Variants in RAB28 observed in about 807,000 individuals in gnomAD.
RAB28 encodes ras-related protein Rab-28.
Under a neutral mutation model 31.7 loss-of-function variants are expected in RAB28, and 24 were observed. That is an observed-to-expected ratio of 0.76 (90% CI 0.55 to 1.06). RAB28 has a LOEUF of 1.06. Among genes scored for constraint, RAB28 ranks in the 50% least tolerant of loss-of-function variants. The pLI is 0.00. For synonymous variants in RAB28, 100 were observed against 90.4 expected (o/e 1.11, Z -0.60); for missense variants, 254 against 258.5 (o/e 0.98, Z 0.12).
intron 4 of RAB28, among the ~76,000 whole-genome samples, chr4:13,384,936 T>C (rs1231979132): frequency 6.6e-6 from 1 of 152,168 alleles, no homozygotes; most frequent in Non-Finnish European, 1.5e-5. Context: ...CAGGAGTATG[T>C]TGAAACCCAA....
At chr4:13,404,653 G>C (rs1424119560) in intron 4 of RAB28, among the ~76,000 whole-genome samples, 4 of 152,042 alleles carry the variant, frequency 2.6e-5, no homozygotes, top group Admixed American at 6.6e-5. Context: ...CCATTGCAAA[G>C]AATTCAGTTC....
At chr4:13,453,622 T>C (rs1184189530) in intron 4 of RAB28, among the ~76,000 whole-genome samples, 1 of 146,602 alleles carries the variant, frequency 6.8e-6, no homozygotes, top group Non-Finnish European at 1.5e-5. Context: ...GGCTGACGGG[T>C]TTTTTTTTTC....
chr4:13,442,594 T>C (rs1276441348), intron 4 of RAB28, among the ~76,000 whole-genome samples: 1 of 151,948 alleles, frequency 6.6e-6, no homozygotes, highest in Non-Finnish European at 1.5e-5. Flanking sequence ...TTTCATAATA[T>C]TTGTCAAGTT....
At chr4:13,405,355 T>G (rs1712016222) in intron 4 of RAB28, among the ~76,000 whole-genome samples, 1 of 152,050 alleles carries the variant, frequency 6.6e-6, no homozygotes, top group Non-Finnish European at 1.5e-5. Context: ...AACATACGAG[T>G]TGATACTGAA....
At chr4:13,399,579 A>G (rs1711629470) in intron 4 of RAB28, among the ~76,000 whole-genome samples, 1 of 152,222 alleles carries the variant, frequency 6.6e-6, no homozygotes, top group African/African-American at 2.4e-5. Flanking sequence ...CTGTAGATTG[A>G]CATTATCTGT....
chr4:13,482,445 C>T (rs1229446909), intron 1 of RAB28, among the ~76,000 whole-genome samples: 2 of 152,000 alleles, frequency 1.3e-5, no homozygotes, highest in Non-Finnish European at 2.9e-5. Flanking sequence ...TATGAGTTGT[C>T]ATTATCATTT....
intron 3 of RAB28, among the ~76,000 whole-genome samples, chr4:13,473,086 C>T (rs1330247364): frequency 6.6e-6 from 1 of 151,890 alleles, no homozygotes; most frequent in Admixed American, 6.6e-5. Context: ...CCATATTAGC[C>T]TCTATAGCCA....
chr4:13,451,460 T>C (rs1164444673), intron 4 of RAB28, among the ~76,000 whole-genome samples: 3 of 151,160 alleles, frequency 2.0e-5, no homozygotes, highest in African/African-American at 7.3e-5. Context: ...TCTGCATCCC[T>C]TCTATAATTT....
intron 4 of RAB28, among the ~76,000 whole-genome samples, chr4:13,409,376 C>T (rs918290871): frequency 2.0e-5 from 3 of 152,098 alleles, no homozygotes; most frequent in Non-Finnish European, 2.9e-5. Flanking sequence ...TATAGCATAA[C>T]GTAAAAATAT....
At chr4:13,426,774 AATCAAAAC>A (rs1245648810) in intron 4 of RAB28, among the ~76,000 whole-genome samples, 1 of 152,194 alleles carries the variant, frequency 6.6e-6, no homozygotes, top group Admixed American at 6.5e-5. Flanking sequence ...CAACAGGGTT[AATCAAAAC>A]ATTTGGCTGA....
At chr4:13,382,613 TTCTC>T (rs756581399) in intron 4 of RAB28, among the ~76,000 whole-genome samples, 17 of 152,106 alleles carry the variant, frequency 1.1e-4, no homozygotes, top group Non-Finnish European at 1.8e-4. Context: ...GGCTCAAGGG[TTCTC>T]TCTCTAGGAG....
intron 4 of RAB28, among the ~76,000 whole-genome samples, chr4:13,420,869 C>A (rs912805523): frequency 2.6e-5 from 4 of 152,198 alleles, no homozygotes; most frequent in Non-Finnish European, 5.9e-5. Context: ...CCTTTCTCAC[C>A]AGTCCTATTC....
chr4:13,368,399 G>T lies in RAB28; in HGVS notation c.*159C>A. 7.9e-7 allele frequency: 1 copy of T among 1,261,560 alleles called. No individual in the cohort carries two copies. Among genetic ancestry groups the T allele is most frequent in the Non-Finnish European group, 1.0e-6 (1 of 1,002,536 alleles). The allele number at this position is 1,261,560 out of a possible 1,614,324, so 78.1% of individuals were successfully genotyped here. The stretch of plus-strand genomic sequence containing the variant: ...TGAATTCTTTCAAATCCAAGGAGCT[G>T]CCTGCCACTGTGAGGCAATAGCAAT... On this transcript the variant is annotated 3_prime_UTR_variant, in exon 7 of 7. Transcript: ENST00000330852.
intron 2 of RAB28, among the ~76,000 whole-genome samples, chr4:13,477,384 G>A (rs1397468123): frequency 6.6e-6 from 1 of 151,470 alleles, no homozygotes; most frequent in Non-Finnish European, 1.5e-5. Flanking sequence ...ACAAATATTA[G>A]ATTCACCGAC....
intron 4 of RAB28, among the ~76,000 whole-genome samples, chr4:13,412,082 C>T (rs1712470496): frequency 6.6e-6 from 1 of 151,406 alleles, no homozygotes; most frequent in South Asian, 2.1e-4. Flanking sequence ...CATCTACAGC[C>T]CCTACACCAC....
chr4:13,433,373 G>A (rs572605334), intron 4 of RAB28, among the ~76,000 whole-genome samples: 2 of 152,150 alleles, frequency 1.3e-5, no homozygotes, highest in African/African-American at 4.8e-5. Context: ...CAGACAATCT[G>A]CAAAATGGCA....
intron 4 of RAB28, among the ~76,000 whole-genome samples, chr4:13,408,560 T>G (rs1043934107): frequency 1.3e-5 from 2 of 152,180 alleles, no homozygotes; most frequent in African/African-American, 4.8e-5. Context: ...GCACTTTTTC[T>G]ATTGCTTGGA....
At chr4:13,417,057 T>C (rs1337876249) in intron 4 of RAB28, among the ~76,000 whole-genome samples, 1 of 152,224 alleles carries the variant, frequency 6.6e-6, no homozygotes, top group African/African-American at 2.4e-5. Context: ...TCCAATGGTC[T>C]TAGCAAACGG....
chr4:13,377,120 T>C (rs11730462), intron 5 of RAB28, among the ~76,000 whole-genome samples: 3,085 of 151,954 alleles, frequency 0.02, 37 homozygotes, highest in African/African-American at 0.033. Flanking sequence ...TCCATGTTTC[T>C]TGAGTAAAGC....
Sources: gnomAD v4.1 joint callset for allele counts (sites outside exome capture counted in the v4.1 genomes callset) on GRCh38, gnomAD v4.1.1 for gene constraint, MANE v1.5 for transcripts, NCBI Gene and HGNC (gene_info 2026-07-23, HGNC 2026-07-21) for gene names.